Variants in TEAD1 observed in about 807,000 individuals in gnomAD.
TEAD1 encodes the protein transcriptional enhancer factor TEF-1.
In TEAD1, 9 loss-of-function variants were observed where a neutral mutation model predicts 54.9. The observed-to-expected ratio is 0.16, with a 90% CI of 0.10 to 0.29. The LOEUF (loss-of-function observed/expected upper bound fraction) is 0.29, where lower values mean the gene tolerates loss of function less well. TEAD1 is among the 10% of genes least tolerant of loss of function. The pLI, the probability that TEAD1 is intolerant of heterozygous loss-of-function variation, is 1.00. For synonymous variants in TEAD1, 200 were observed against 187.8 expected, an observed-to-expected ratio of 1.07 and a Z score of -0.53; for missense variants, 387 against 535.9, an observed-to-expected ratio of 0.72 and a Z score of 2.74.
At chr11:12,724,261 G>A (rs757206669) in intron 2 of TEAD1, among the ~76,000 whole-genome samples, 1 of 152,214 alleles carries the variant, frequency 6.6e-6, no homozygotes, top group Non-Finnish European at 1.5e-5. Context: ...TATGCGCATA[G>A]TAGGAGAATC....
At chr11:12,923,226 TC>T (rs1948844933) in intron 10 of TEAD1, among the ~76,000 whole-genome samples, 1 of 152,118 alleles carries the variant, frequency 6.6e-6, no homozygotes, top group Non-Finnish European at 1.5e-5. Context: ...ATTTCACCTC[TC>T]CAGCTCTCCT....
At chr11:12,712,393 C>G (rs1943959246) in intron 2 of TEAD1, among the ~76,000 whole-genome samples, 1 of 152,192 alleles carries the variant, frequency 6.6e-6, no homozygotes, top group Non-Finnish European at 1.5e-5. Context: ...CACAGCTTCA[C>G]CTGCTATCTG....
chr11:12,865,111 G>A, intron 5 of TEAD1: 1 of 628,220 alleles, frequency 1.6e-6, no homozygotes, highest in East Asian at 2.9e-5. Context: ...GTGTTTGCGT[G>A]TGTGTGTGCG....
At chr11:12,684,363 T>C (rs1489854204) in intron 2 of TEAD1, among the ~76,000 whole-genome samples, 1 of 152,254 alleles carries the variant, frequency 6.6e-6, no homozygotes, top group Non-Finnish European at 1.5e-5. Flanking sequence ...CCTTAGCTTC[T>C]TGCTTGAAAG....
intron 3 of TEAD1, among the ~76,000 whole-genome samples, chr11:12,846,525 CT>C (rs1162603820): frequency 6.6e-6 from 1 of 151,696 alleles, no homozygotes; most frequent in Non-Finnish European, 1.5e-5. Flanking sequence ...AGAAGTCAAA[CT>C]TCTGTGTGGT....
intron 3 of TEAD1, among the ~76,000 whole-genome samples, chr11:12,766,563 G>A (rs1046301663): frequency 3.3e-5 from 5 of 152,186 alleles, no homozygotes; most frequent in African/African-American, 9.7e-5. Flanking sequence ...ATTTTGTGAT[G>A]CTATGGTTTT....
intron 2 of TEAD1, among the ~76,000 whole-genome samples, chr11:12,751,065 C>G (rs1944859565): frequency 6.6e-6 from 1 of 152,108 alleles, no homozygotes; most frequent in African/African-American, 2.4e-5. Context: ...AGTCCCAGCA[C>G]TTCGGGAAGC....
intron 9 of TEAD1, among the ~76,000 whole-genome samples, chr11:12,883,731 T>C (rs1306589591): frequency 6.6e-6 from 1 of 152,132 alleles, no homozygotes; most frequent in Non-Finnish European, 1.5e-5. Flanking sequence ...TAAGAAGAAG[T>C]GGCCAGGCAT....
chr11:12,886,090 C>T (rs1422958061), intron 9 of TEAD1, among the ~76,000 whole-genome samples: 1 of 152,194 alleles, frequency 6.6e-6, no homozygotes, highest in Admixed American at 6.5e-5. Flanking sequence ...GCCCTTAAGC[C>T]GAAAGATGGA....
intron 2 of TEAD1, among the ~76,000 whole-genome samples, chr11:12,706,017 C>CT (rs1943806967): frequency 6.6e-6 from 1 of 152,220 alleles, no homozygotes; most frequent in Non-Finnish European, 1.5e-5. Flanking sequence ...GCAATACAGG[C>CT]TGTTTTCTTA....
At chr11:12,675,326 C>T (rs765284047) in intron 1 of TEAD1, 83 bp from the exon 2 acceptor site, 55 of 152,304 alleles carry the variant, frequency 3.6e-4, no homozygotes, top group Non-Finnish European at 7.0e-4. Flanking sequence ...CCCGGGTCTG[C>T]GCAGACTTGT....
chr11:12,732,867 A>G (rs1332629907), intron 2 of TEAD1, among the ~76,000 whole-genome samples: 1 of 152,238 alleles, frequency 6.6e-6, no homozygotes, highest in African/African-American at 2.4e-5. Flanking sequence ...TGCGAGATAT[A>G]GAAAAAAGAT....
intron 2 of TEAD1, among the ~76,000 whole-genome samples, chr11:12,710,184 C>T (rs1000823095): frequency 3.9e-5 from 6 of 151,986 alleles, no homozygotes; most frequent in Admixed American, 1.3e-4. Flanking sequence ...ATTAGCCAGG[C>T]GTGATGCTTC....
chr11:12,787,977 T>G (rs1945714396), intron 3 of TEAD1, among the ~76,000 whole-genome samples: 1 of 151,610 alleles, frequency 6.6e-6, no homozygotes, highest in Non-Finnish European at 1.5e-5. Flanking sequence ...TTTTTTTTTT[T>G]TTGAGATGGA....
At chr11:12,861,984 C>CT (rs72145575) in intron 3 of TEAD1, among the ~76,000 whole-genome samples, 2,009 of 124,298 alleles carry the variant, frequency 0.016, 29 homozygotes, top group African/African-American at 0.027. Flanking sequence ...GAAACTCTGT[C>CT]TTTTTTTTTT....
chr11:12,707,258 G>A (rs554009605), intron 2 of TEAD1, among the ~76,000 whole-genome samples: 1 of 151,528 alleles, frequency 6.6e-6, no homozygotes, highest in Admixed American at 6.6e-5. Flanking sequence ...CACTAGACCC[G>A]AGACCTGGGA....
In TEAD1 at chr11:12,944,428, G is replaced by C. The variant is rs1394101573; in HGVS notation, c.*7206G>C. On this transcript the variant is annotated 3_prime_UTR_variant, in exon 13 of 13. Transcript: ENST00000527636. ...AAGTGAATTTATCTTTAGTATGATA[G>C]TTATATGAAAATTATAGGATTTGTG... 6.6e-6 allele frequency: 1 copy of C among 151,932 alleles called. No individual in the cohort carries two copies. Among genetic ancestry groups the C allele is most frequent in the Non-Finnish European group, 1.5e-5 (1 of 67,946 alleles). 9.4% of individuals were successfully genotyped at this position (151,932 alleles called of 1,614,324 possible). A position where few individuals can be genotyped will look rare whatever the true frequency, so the allele number is the denominator to read the frequency against.
At chr11:12,781,984 GAAAA>G (rs1945561016) in intron 3 of TEAD1, among the ~76,000 whole-genome samples, 4 of 124,218 alleles carry the variant, frequency 3.2e-5, no homozygotes, top group African/African-American at 9.3e-5. Context: ...AAGAAAAAAA[GAAAA>G]AGAAAAAAAA....
At chr11:12,821,062 G>A (rs1946534832) in intron 3 of TEAD1, among the ~76,000 whole-genome samples, 1 of 152,138 alleles carries the variant, frequency 6.6e-6, no homozygotes, top group South Asian at 2.1e-4. Context: ...CCCTGAAACT[G>A]GGAAAGGTGG....
Sources: allele counts gnomAD v4.1 joint callset (sites outside exome capture counted in the v4.1 genomes callset), GRCh38; gene constraint gnomAD v4.1.1; transcripts MANE v1.5; gene names NCBI Gene and HGNC (gene_info 2026-07-23, HGNC 2026-07-21).